UACA: variants seen among roughly 807,000 people sequenced by gnomAD.
UACA encodes nuclear membrane binding protein.
UACA carries 112 observed loss-of-function variants against 160.5 expected under a neutral mutation model. The observed-to-expected ratio is 0.70, with a 90% CI of 0.60 to 0.82. The LOEUF (loss-of-function observed/expected upper bound fraction) is 0.82. UACA is among the 40% of genes least tolerant of loss of function. The pLI, the probability that UACA is intolerant of heterozygous loss-of-function variation, is 0.00. For missense variants in UACA, 1,574 were observed against 1,614.6 expected, an observed-to-expected ratio of 0.97 and a Z score of 0.43; for synonymous variants, 557 against 568.4, an observed-to-expected ratio of 0.98 and a Z score of 0.29.
chr15:70,709,718 G>A (rs1418279800), intron 1 of UACA, among the ~76,000 whole-genome samples: 1 of 152,148 alleles, frequency 6.6e-6, no homozygotes, highest in African/African-American at 2.4e-5. Flanking sequence ...AAGACAGAAA[G>A]TCTCCTAAGA....
intron 1 of UACA, among the ~76,000 whole-genome samples, chr15:70,746,914 A>G (rs1899723288): frequency 6.6e-6 from 1 of 152,128 alleles, no homozygotes; most frequent in Non-Finnish European, 1.5e-5. Context: ...GTTCTCACTC[A>G]TAAGTAGGAG....
In UACA at chr15:70,687,438, A is replaced by G. The variant is rs113584474; in HGVS notation, c.602+102T>C. 3.6e-3 allele frequency: 3,838 copies of G among 1,057,714 alleles called. 88 individuals are homozygous for G. In the African/African-American group the frequency reaches 0.054, roughly 15 times the overall value. The allele number at this position is 1,057,714 out of a possible 1,614,324, so 65.5% of individuals were successfully genotyped here. ...CAAGCCAGGGAAGGGGAGAACCCACAGGAAAGAAAGGCCAAGTCAGAGAAC... is the reference window on the plus strand; with the variant it reads ...CAAGCCAGGGAAGGGGAGAACCCACGGGAAAGAAAGGCCAAGTCAGAGAAC... On this transcript the variant is annotated intron_variant, in intron 7 of 18. Transcript: ENST00000322954.
rs1009151298 is a variant in UACA, at chr15:70,736,497, C to T, written c.78+26833G>A. 3.9e-5 allele frequency among the ~76,000 whole-genome samples: 6 copies of T among 152,234 alleles called. 1 individual carries two copies. In the East Asian group the frequency reaches 9.7e-4, roughly 25 times the overall value. On this transcript the variant is annotated intron_variant, in intron 1 of 18. Coordinates refer to ENST00000322954, the MANE Select transcript of UACA (RefSeq NM_018003.4). ...CCGCCCAGGCTAGAGTACAGCCGCACGATCTTGGCTCACTCTAACCTGCAC... is the reference window on the plus strand; with the variant it reads ...CCGCCCAGGCTAGAGTACAGCCGCATGATCTTGGCTCACTCTAACCTGCAC...
the UACA span, among the ~76,000 whole-genome samples, chr15:70,771,606 G>A: frequency 2.6e-5 from 4 of 152,152 alleles, no homozygotes; most frequent in Middle Eastern, 3.2e-3. Flanking sequence ...ATAAGTAAGC[G>A]ACCAAGATCA....
At chr15:70,729,274 T>C (rs1424277022) in intron 1 of UACA, among the ~76,000 whole-genome samples, 1 of 152,056 alleles carries the variant, frequency 6.6e-6, no homozygotes, top group East Asian at 1.9e-4. Flanking sequence ...AGCAAAAACA[T>C]GGAAGCAACT....
At chr15:70,676,694 G>T in intron 12 of UACA, 103 bp from the exon 13 acceptor site, 2 of 873,784 alleles carry the variant, frequency 2.3e-6, no homozygotes, top group Non-Finnish European at 3.6e-6. Context: ...GAGGACTGGA[G>T]TTAATGAATT....
At chr15:70,662,527 G>C (rs559354498) in intron 17 of UACA, among the ~76,000 whole-genome samples, 5 of 151,926 alleles carry the variant, frequency 3.3e-5, no homozygotes, top group Non-Finnish European at 7.4e-5. Flanking sequence ...AGTTCATATG[G>C]AACCAAAAAA....
intron 1 of UACA, among the ~76,000 whole-genome samples, chr15:70,717,377 T>C (rs1188936266): frequency 3.9e-5 from 6 of 152,228 alleles, no homozygotes; most frequent in Admixed American, 3.9e-4. Context: ...GGCAAACTTT[T>C]TCAGTAAAAG....
At chr15:70,739,232 T>C (rs1899457666) in intron 1 of UACA, among the ~76,000 whole-genome samples, 1 of 152,174 alleles carries the variant, frequency 6.6e-6, no homozygotes, top group African/African-American at 2.4e-5. Context: ...ATAAATCCTA[T>C]AAGGCAGGGT....
At chr15:70,711,235 T>C (rs918332073) in intron 1 of UACA, among the ~76,000 whole-genome samples, 2 of 152,126 alleles carry the variant, frequency 1.3e-5, no homozygotes, top group Admixed American at 6.5e-5. Context: ...TTGCACAATA[T>C]AGAATCCATA....
intron 12 of UACA, 101 bp from the exon 13 acceptor site, chr15:70,676,692 G>C: frequency 1.1e-6 from 1 of 898,008 alleles, no homozygotes; most frequent in Non-Finnish European, 1.7e-6. Context: ...TTGAGGACTG[G>C]AGTTAATGAA....
chr15:70,695,696 C>T (rs1262379200), intron 2 of UACA, among the ~76,000 whole-genome samples: 1 of 152,148 alleles, frequency 6.6e-6, no homozygotes, highest in Non-Finnish European at 1.5e-5. Context: ...TGTTCAAAGG[C>T]CTGGGCTTGT....
intron 3 of UACA, 34 bp from the exon 4 acceptor site, chr15:70,691,397 T>C: frequency 6.8e-7 from 1 of 1,463,946 alleles, no homozygotes; most frequent in South Asian, 1.2e-5. Flanking sequence ...TGAAGGATTA[T>C]TTTCTTCATA....
intron 18 of UACA, among the ~76,000 whole-genome samples, chr15:70,659,785 T>C (rs1896636390): frequency 6.6e-6 from 1 of 152,086 alleles, no homozygotes; most frequent in South Asian, 2.1e-4. Context: ...ACTTTTGTAC[T>C]TTTCTAGTAT....
Position 70,667,694 on chromosome 15 carries a change from T to C in UACA, c.2990A>G (p.Lys997Arg), listed in dbSNP as rs78910436. 701 of 1,613,802 alleles carry C rather than the reference T, an allele frequency of 4.3e-4. 5 individuals carry two copies. In the African/African-American group the frequency reaches 8.8e-3, roughly 20 times the overall value. The change falls in exon 16 of 19, where the codon AAA (lysine) becomes AGA (arginine). Residue 997 changes from lysine to arginine, a missense_variant. By Grantham distance (26) the Lys-to-Arg change is conservative. Coordinates refer to ENST00000322954, the MANE Select transcript of UACA (RefSeq NM_018003.4). ...PIVSFEECER[K>R]FKATEKELKD... The stretch of plus-strand genomic sequence containing the variant: ...TAGTTCTTTCTCTGTTGCTTTAAAT[T>C]TTCTCTCGCACTCCTCAAAGCTGAC...
intron 7 of UACA, among the ~76,000 whole-genome samples, chr15:70,687,010 C>T (rs1463251604): frequency 6.6e-6 from 1 of 152,084 alleles, no homozygotes; most frequent in East Asian, 1.9e-4. Flanking sequence ...CAAGGGACCT[C>T]TGCAGTACAG....
Position 70,763,384 on chromosome 15 carries a change from C to G in UACA, c.24G>C (p.Leu8=). The stretch of plus-strand genomic sequence containing the variant: ...CGGGGCCGGGCACGTCCTGCCTCCT[C>G]AGGCGGGACTTGAGGCTCTTCATGG... MKSLKSR[L]RRQDVPGPAS... The change falls in exon 1 of 19, where the codon CTG becomes CTC. Residue 8 remains leucine, a synonymous_variant. Transcript: ENST00000322954. 1.5e-6 allele frequency: 2 copies of G among 1,330,248 alleles called. No homozygotes were observed. Among genetic ancestry groups the G allele is most frequent in the Non-Finnish European group, 1.9e-6 (2 of 1,033,798 alleles). 82.4% of individuals were successfully genotyped at this position (1,330,248 alleles called of 1,614,324 possible). A position where few individuals can be genotyped will look rare whatever the true frequency, so the allele number is the denominator to read the frequency against.
intron 5 of UACA, among the ~76,000 whole-genome samples, chr15:70,688,176 T>A (rs1897798186): frequency 6.6e-6 from 1 of 152,142 alleles, no homozygotes; most frequent in Non-Finnish European, 1.5e-5. Context: ...GTTGGCTCAG[T>A]TTTTTTAAAG....
chr15:70,659,415 T>TTTTTTTTTTTTTTTTG (rs1896617315), intron 18 of UACA, among the ~76,000 whole-genome samples: 1 of 134,956 alleles, frequency 7.4e-6, no homozygotes, highest in Admixed American at 7.6e-5. Flanking sequence ...TTTTTTTTTT[T>TTTTTTTTTTTTTTTTG]TTTTTTTGCT....
Sources: gnomAD v4.1 joint callset for allele counts (sites outside exome capture counted in the v4.1 genomes callset) on GRCh38, gnomAD v4.1.1 for gene constraint, MANE v1.5 for transcripts, NCBI Gene and HGNC (gene_info 2026-07-23, HGNC 2026-07-21) for gene names.